The following ERCC6L2 variants were observed in gnomAD, a reference collection of about 807,000 sequenced individuals.
The protein encoded by ERCC6L2 is ERCC excision repair 6 like 2, also known as DNA excision repair protein ERCC-6-like 2.
A neutral mutation model predicts 132.0 loss-of-function variants in ERCC6L2; 77 were observed. That is an observed-to-expected ratio of 0.58 (90% CI 0.49 to 0.71). The LOEUF is 0.71. Among genes scored for constraint, ERCC6L2 ranks in the 30% least tolerant of loss-of-function variants. ERCC6L2 has a pLI of 0.00. For missense variants in ERCC6L2, 1,542 were observed against 1,837.6 expected, an observed-to-expected ratio of 0.84 and a Z score of 2.94; for synonymous variants, 583 against 632.4, an observed-to-expected ratio of 0.92 and a Z score of 1.17.
intron 20 of ERCC6L2, among the ~76,000 whole-genome samples, chr9:96,041,046 C>A (rs773345188): frequency 2.0e-5 from 3 of 152,158 alleles, no homozygotes; most frequent in Non-Finnish European, 4.4e-5. Flanking sequence ...AAGAACGAGC[C>A]CGATGCCAAT....
chr9:95,968,728 A>T (rs967318019), intron 14 of ERCC6L2: 3 of 152,184 alleles, frequency 2.0e-5, no homozygotes, highest in Admixed American at 6.6e-5. Context: ...CTTCAAAGAT[A>T]GATATTGAGA....
chr9:95,896,700 A>G (rs889480409), intron 2 of ERCC6L2, among the ~76,000 whole-genome samples: 1 of 152,154 alleles, frequency 6.6e-6, no homozygotes, highest in Non-Finnish European at 1.5e-5. Context: ...CTGGGATTAC[A>G]TGGGTGAGCC....
downstream of ERCC6L2, among the ~76,000 whole-genome samples, chr9:96,021,987 G>T (rs1174196711): frequency 6.6e-6 from 1 of 152,032 alleles, no homozygotes; most frequent in African/African-American, 2.4e-5. This position sits in a 1 kb window ranked among gnomAD's most constrained non-coding sequence, Gnocchi z 4.7. Context: ...CCAATCCCCC[G>T]GCCTCACGCC....
At chr9:95,935,481 A>G (rs1830513584) in intron 11 of ERCC6L2, among the ~76,000 whole-genome samples, 2 of 152,180 alleles carry the variant, frequency 1.3e-5, no homozygotes, top group South Asian at 2.1e-4. Context: ...CTTAAAGTTT[A>G]TAACTCAAAA....
intron 17 of ERCC6L2, among the ~76,000 whole-genome samples, chr9:95,999,741 T>C (rs1276380404): frequency 1.3e-5 from 2 of 152,104 alleles, no homozygotes; most frequent in Non-Finnish European, 2.9e-5. Context: ...TAGTAACGAA[T>C]GATTATTTTC....
intron 2 of ERCC6L2, among the ~76,000 whole-genome samples, chr9:95,888,029 A>G (rs973387726): frequency 2.7e-5 from 4 of 149,978 alleles, no homozygotes; most frequent in Non-Finnish European, 5.9e-5. Flanking sequence ...CTTTGTAAAG[A>G]TAAGTGAGCT....
At chr9:95,926,001 T>C (rs1168400300) in intron 9 of ERCC6L2, among the ~76,000 whole-genome samples, 1 of 152,074 alleles carries the variant, frequency 6.6e-6, no homozygotes, top group Non-Finnish European at 1.5e-5. Flanking sequence ...CAACAACATA[T>C]GTCATTAAAG....
intron 12 of ERCC6L2, among the ~76,000 whole-genome samples, chr9:95,954,495 A>T (rs916286057): frequency 1.3e-5 from 2 of 152,214 alleles, no homozygotes; most frequent in Non-Finnish European, 2.9e-5. Context: ...TACCTATCGT[A>T]TAACAGTTCC....
chr9:95,881,041 A>T lies in ERCC6L2; in HGVS notation c.219A>T (p.Lys73Asn). 2 of 1,613,992 alleles carry T rather than the reference A, an allele frequency of 1.2e-6. No individual in the cohort carries two copies. Among genetic ancestry groups the T allele is most frequent in the Middle Eastern group, 3.3e-4 (2 of 6,060 alleles). ...KIPLKQLQEV[K>N]FVKDCPRNLI... ...CTCTTAAACAGCTTCAAGAAGTGAA[A>T]TTTGTTAAAGATTGCCCTAGGAATC... is the stretch of plus-strand genomic sequence containing the variant. The change falls in exon 2 of 19, where the codon AAA (lysine) becomes AAT (asparagine). Residue 73 changes from lysine (K) to asparagine (N), a missense_variant. By Grantham distance (94) the Lys-to-Asn change is moderately conservative. This residue lies in a region of ERCC6L2 where 153 missense variants were observed against 132.3 expected (regional missense o/e 1.16). Coordinates refer to ENST00000653738, the MANE Select transcript of ERCC6L2 (RefSeq NM_020207.7).
At chr9:96,011,819 C>T (rs886717012) in intron 18 of ERCC6L2, among the ~76,000 whole-genome samples, 7 of 152,138 alleles carry the variant, frequency 4.6e-5, no homozygotes, top group African/African-American at 9.7e-5. Context: ...TTGCTCTTTT[C>T]GTTAAGATTC....
intron 18 of ERCC6L2, among the ~76,000 whole-genome samples, chr9:96,009,149 T>C (rs1833950214): frequency 6.6e-6 from 1 of 152,204 alleles, no homozygotes; most frequent in South Asian, 2.1e-4. Context: ...GGAGTTTGCT[T>C]TTGGAATGGA....
intron 2 of ERCC6L2, among the ~76,000 whole-genome samples, chr9:95,887,366 T>G (rs995263442): frequency 6.6e-6 from 1 of 152,240 alleles, no homozygotes; most frequent in African/African-American, 2.4e-5. Context: ...TTGAAAGGTT[T>G]ATCACAAGAG....
At chr9:96,022,915 C>T (rs1048534025), downstream of ERCC6L2, among the ~76,000 whole-genome samples, 3 of 152,182 alleles carry the variant, frequency 2.0e-5, no homozygotes, top group African/African-American at 7.2e-5. Flanking sequence ...TCTCCCTCCC[C>T]CACAGACACA....
At chr9:95,961,979 G>T (rs772745079) in intron 13 of ERCC6L2, among the ~76,000 whole-genome samples, 1 of 147,736 alleles carries the variant, frequency 6.8e-6, no homozygotes, top group African/African-American at 2.5e-5. Context: ...ACATGATTCA[G>T]TTATCTCCCA....
intron 19 of ERCC6L2, among the ~76,000 whole-genome samples, chr9:96,026,543 G>A (rs975721028): frequency 5.3e-5 from 8 of 151,824 alleles, no homozygotes; most frequent in African/African-American, 1.4e-4. Flanking sequence ...ACCCCATGCG[G>A]AGCAGGGGCT....
At chr9:96,036,763 A>ATTTTTT (rs201535314) in intron 19 of ERCC6L2, among the ~76,000 whole-genome samples, 1 of 137,666 alleles carries the variant, frequency 7.3e-6, no homozygotes, top group African/African-American at 2.8e-5. Context: ...TATTATTATT[A>ATTTTTT]TTTTTATTTA....
chr9:95,963,674 C>T (rs529970085), intron 13 of ERCC6L2, among the ~76,000 whole-genome samples: 1 of 152,136 alleles, frequency 6.6e-6, no homozygotes, highest in South Asian at 2.1e-4. Flanking sequence ...GTTCATGGCT[C>T]CATTTACTTG....
chr9:95,929,503 C>G (rs1830244514), intron 11 of ERCC6L2, among the ~76,000 whole-genome samples: 1 of 152,144 alleles, frequency 6.6e-6, no homozygotes, highest in African/African-American at 2.4e-5. Context: ...TTTATAGATT[C>G]ACTCCCACTG....
At chr9:95,907,355 T>TTTTTTTTC in intron 4 of ERCC6L2, 84 bp downstream of exon 4, 1 of 1,096,840 alleles carries the variant, frequency 9.1e-7, no homozygotes, top group South Asian at 2.0e-5. Context: ...TTTTTTTTTT[T>TTTTTTTTC]TTGAGACAGA....
Sources: gnomAD v4.1 joint callset for allele counts (sites outside exome capture counted in the v4.1 genomes callset) on GRCh38, gnomAD v4.1.1 for gene constraint, gnomAD v4.1.1 regional missense constraint, Gnocchi (gnomAD v3.1) non-coding constraint, MANE v1.5 for transcripts, NCBI Gene and HGNC (gene_info 2026-07-23, HGNC 2026-07-21) for gene names.